The following EDDM13 variants were observed in gnomAD, a reference collection of about 807,000 sequenced individuals.
EDDM13 encodes the protein epididymal protein 13.
Under a neutral mutation model 17.8 loss-of-function variants are expected in EDDM13, and 24 were observed. That is an observed-to-expected ratio of 1.35 (90% CI 0.98 to 1.90). EDDM13 has a LOEUF of 1.90. EDDM13 is among the 40% of genes most tolerant of loss of function. EDDM13 has a pLI of 0.00. For missense variants in EDDM13, 97 were observed against 100.8 expected (o/e 0.96, Z 0.16); for synonymous variants, 31 against 37.5 (o/e 0.83, Z 0.63).
At chr19:56,297,134 A>C (rs1201843116) in intron 11 of EDDM13, among the ~76,000 whole-genome samples, 1 of 152,146 alleles carries the variant, frequency 6.6e-6, no homozygotes, top group East Asian at 1.9e-4. Context: ...TTGAAGAAGA[A>C]GGGCAGGTGA....
chr19:56,303,119 G>C (rs1001439074), intron 13 of EDDM13: 3 of 377,684 alleles, frequency 7.9e-6, no homozygotes, highest in African/African-American at 6.2e-5. Flanking sequence ...AGGGGAAGCA[G>C]GGGAAGCATT....
intron 9 of EDDM13, among the ~76,000 whole-genome samples, chr19:56,292,626 C>A (rs1053607153): frequency 2.0e-5 from 3 of 152,038 alleles, no homozygotes; most frequent in Admixed American, 2.0e-4. Flanking sequence ...GCCCTTGGTA[C>A]ACACACAATG....
At chr19:56,281,950 CAG>C (rs1189126452) in intron 3 of EDDM13, among the ~76,000 whole-genome samples, 1 of 152,120 alleles carries the variant, frequency 6.6e-6, no homozygotes, top group Non-Finnish European at 1.5e-5. Flanking sequence ...GGTGTGCTGT[CAG>C]AGAGAAAGAG....
At chr19:56,274,926 C>G (rs1170372397) in intron 1 of EDDM13, 3 of 152,180 alleles carry the variant, frequency 2.0e-5, no homozygotes, top group Non-Finnish European at 2.9e-5. Flanking sequence ...ATTTGAAGAG[C>G]TCTGATCAGT....
chr19:56,281,965 C>CTT (rs2038744953), intron 3 of EDDM13, among the ~76,000 whole-genome samples: 2 of 152,144 alleles, frequency 1.3e-5, no homozygotes, highest in Non-Finnish European at 2.9e-5. Flanking sequence ...AGAAAGAGAA[C>CTT]CTGTGTGGTG....
At chr19:56,291,204 C>T (rs974900467) in intron 9 of EDDM13, among the ~76,000 whole-genome samples, 2 of 152,184 alleles carry the variant, frequency 1.3e-5, no homozygotes, top group Non-Finnish European at 2.9e-5. Flanking sequence ...GAGAAGAGAA[C>T]CAAAGAGGGG....
intron 11 of EDDM13, among the ~76,000 whole-genome samples, chr19:56,296,654 A>G (rs1410480314): frequency 6.6e-6 from 1 of 152,228 alleles, no homozygotes; most frequent in African/African-American, 2.4e-5. Flanking sequence ...GAGAAAAAAC[A>G]AAGAGCAGTA....
chr19:56,294,862 CAAAG>C (rs1212057281), intron 9 of EDDM13, among the ~76,000 whole-genome samples: 2 of 152,174 alleles, frequency 1.3e-5, no homozygotes, highest in African/African-American at 4.8e-5. Context: ...AGTGCTCAGT[CAAAG>C]AAGCCAGACA....
intron 6 of EDDM13, among the ~76,000 whole-genome samples, chr19:56,286,186 T>C (rs1286053301): frequency 6.6e-6 from 1 of 151,962 alleles, no homozygotes; most frequent in Non-Finnish European, 1.5e-5. Context: ...CATGCTCGGC[T>C]AATTTTTGTA....
At chr19:56,297,426 CCTCT>C (rs1036554393) in intron 11 of EDDM13, 75 bp from the exon 12 acceptor site, 4 of 428,366 alleles carry the variant, frequency 9.3e-6, no homozygotes, top group Non-Finnish European at 1.2e-5. Context: ...TTCCTCCCTC[CCTCT>C]CTCCCTCCCT....
chr19:56,280,113 G>C (rs1052393034), intron 2 of EDDM13, among the ~76,000 whole-genome samples: 2 of 152,126 alleles, frequency 1.3e-5, no homozygotes, highest in Non-Finnish European at 2.9e-5. Flanking sequence ...GATATTTTAT[G>C]CAAGTAGAAA....
intron 14 of EDDM13, 31 bp downstream of exon 14, chr19:56,304,861 C>G: frequency 1.1e-6 from 1 of 942,066 alleles, no homozygotes; most frequent in Non-Finnish European, 1.3e-6. Flanking sequence ...GGGCTTTTCC[C>G]ACCGCTGGGG....
At chr19:56,287,430 C>T (rs1004511459) in intron 6 of EDDM13, among the ~76,000 whole-genome samples, 17 of 152,260 alleles carry the variant, frequency 1.1e-4, no homozygotes, top group Admixed American at 1.3e-4. Flanking sequence ...ACATTGCCTG[C>T]GGAGCTACAC....
At chr19:56,275,482 G>A (rs1360348405) in intron 1 of EDDM13, among the ~76,000 whole-genome samples, 4 of 152,196 alleles carry the variant, frequency 2.6e-5, no homozygotes, top group African/African-American at 9.7e-5. Context: ...TTTAATCCCA[G>A]CACTTCGGGA....
intron 9 of EDDM13, among the ~76,000 whole-genome samples, chr19:56,292,703 T>C (rs73052139): frequency 0.049 from 7,495 of 152,150 alleles, 246 homozygotes; most frequent in South Asian, 0.074. Context: ...AAAGTACCCA[T>C]TAAACAGTCA....
At chr19:56,307,670 T>G (rs2040787402) in intron 14 of EDDM13, among the ~76,000 whole-genome samples, 1 of 152,214 alleles carries the variant, frequency 6.6e-6, no homozygotes, top group African/African-American at 2.4e-5. Flanking sequence ...CCTAATAGTT[T>G]GCCTTGTGAA....
chr19:56,288,585 C>T (rs1207384748), intron 7 of EDDM13, among the ~76,000 whole-genome samples, 147 bp downstream of exon 7: 3 of 152,308 alleles, frequency 2.0e-5, no homozygotes, highest in African/African-American at 7.2e-5. Flanking sequence ...CTGGGTCTGG[C>T]CTGCCTTGCT....
At chr19:56,276,870 A>T (rs1181189792) in intron 2 of EDDM13, among the ~76,000 whole-genome samples, 1 of 152,036 alleles carries the variant, frequency 6.6e-6, no homozygotes, top group Non-Finnish European at 1.5e-5. Context: ...ACCTTATTGT[A>T]AATTCAAGGA....
At chr19:56,308,331 C>CTTTTTTTT (rs543582885) in intron 14 of EDDM13, among the ~76,000 whole-genome samples, 12,190 of 144,346 alleles carry the variant, frequency 0.084, 615 homozygotes, top group Middle Eastern at 0.099. Flanking sequence ...GGCTCCCAGT[C>CTTTTTTTT]TTTTTTTTTT....
Sources: gnomAD v4.1 joint callset for allele counts (sites outside exome capture counted in the v4.1 genomes callset) on GRCh38, gnomAD v4.1.1 for gene constraint, MANE v1.5 for transcripts, NCBI Gene and HGNC (gene_info 2026-07-23, HGNC 2026-07-21) for gene names.